Variants in CUX2 observed in about 807,000 individuals in gnomAD.
CUX2 encodes the protein homeobox protein cut-like 2.
A neutral mutation model predicts 144.8 loss-of-function variants in CUX2; 40 were observed. That is an observed-to-expected ratio of 0.28 (90% CI 0.21 to 0.36). The LOEUF (loss-of-function observed/expected upper bound fraction) is 0.36, where lower values mean the gene tolerates loss of function less well. CUX2 is among the 10% of genes least tolerant of loss of function. CUX2 has a pLI of 1.00. For missense variants in CUX2, 1,615 were observed against 1,994.0 expected (o/e 0.81, Z 3.62); for synonymous variants, 827 against 875.6 (o/e 0.94, Z 0.98).
Position 111,287,405 on chromosome 12 carries a change from G to A in CUX2, c.302-4013G>A, listed in dbSNP as rs536266767. ...ACTTCCCTGACCCCGGCGAGTGCTC[G>A]TTGCCTTTTTTCCTCCTGTCTCAAA... is the stretch of plus-strand genomic sequence containing the variant. On this transcript the variant is annotated intron_variant, in intron 4 of 21. Coordinates refer to ENST00000261726, the MANE Select transcript of CUX2 (RefSeq NM_015267.4). The surrounding 1 kb of genome is among the most constrained non-coding windows in gnomAD (Gnocchi z 4.2). Among the ~76,000 whole-genome samples the A allele has an allele frequency of 8.1e-4, 123 of 152,358 alleles. No homozygotes were observed. The highest frequency in any genetic ancestry group is 4.1e-3 in the Admixed American group (62 of 15,302).
At position 111,234,215 on chromosome 12, in the gene CUX2, A is replaced by G. The variant is rs564574701; in HGVS notation, c.222+16278A>G. 6.6e-5 allele frequency among the ~76,000 whole-genome samples: 10 copies of G among 152,328 alleles called. No homozygotes were observed. The South Asian group carries it at 2.1e-3, about 32-fold the overall frequency. On this transcript the variant is annotated intron_variant, in intron 3 of 21. Coordinates refer to ENST00000261726, the MANE Select transcript of CUX2 (RefSeq NM_015267.4). The stretch of plus-strand genomic sequence containing the variant: ...ACCTCACTCACTGTCAGGGAATAGG[A>G]CAGAGCCCTGAATACACAGCCTTGC...
chr12:111,041,885 A>G (rs1869758088), intron 1 of CUX2, among the ~76,000 whole-genome samples: 1 of 152,188 alleles, frequency 6.6e-6, no homozygotes, highest in South Asian at 2.1e-4. Context: ...CTCCTGACCA[A>G]TGCATGAAGA....
intron 1 of CUX2, among the ~76,000 whole-genome samples, chr12:111,067,583 A>G (rs1871075555): frequency 6.6e-6 from 1 of 152,160 alleles, no homozygotes. Flanking sequence ...TGCCACCTAC[A>G]ATCAGAAACA....
At chr12:111,219,999 C>G (rs1315340550) in intron 3 of CUX2, among the ~76,000 whole-genome samples, 3 of 152,020 alleles carry the variant, frequency 2.0e-5, no homozygotes, top group Non-Finnish European at 4.4e-5. Context: ...CAAAAATTAG[C>G]CAGGTGTGGT....
At chr12:111,129,972 T>C (rs1233806872) in intron 1 of CUX2, among the ~76,000 whole-genome samples, 3 of 152,122 alleles carry the variant, frequency 2.0e-5, no homozygotes, top group African/African-American at 7.2e-5. Flanking sequence ...GCCCCTACTC[T>C]GACTGGAGGG....
At chr12:111,244,707 C>T (rs1263244195) in intron 3 of CUX2, among the ~76,000 whole-genome samples, 1 of 152,130 alleles carries the variant, frequency 6.6e-6, no homozygotes, top group African/African-American at 2.4e-5. Context: ...AATCCCAAGG[C>T]AGGGGCAGGG....
At chr12:111,291,605 C>T in intron 5 of CUX2, 53 bp downstream of exon 5, 1 of 1,493,386 alleles carries the variant, frequency 6.7e-7, no homozygotes. Flanking sequence ...GGCTGCAGAT[C>T]TTCAGAGCCA....
intron 21 of CUX2, among the ~76,000 whole-genome samples, chr12:111,343,032 A>T (rs1888642968): frequency 6.7e-6 from 1 of 148,786 alleles, no homozygotes; most frequent in Non-Finnish European, 1.5e-5. Flanking sequence ...CATTATTTTT[A>T]TTATTATTTC....
chr12:111,343,106 T>C lies in CUX2; in HGVS notation c.3659+1053T>C, dbSNP rs527358316. Among the ~76,000 whole-genome samples, 124 of 152,152 alleles carry C rather than the reference T, an allele frequency of 8.1e-4. No homozygotes were observed. The Middle Eastern group carries it at 0.037, about 46-fold the overall frequency. ...GGAAGGGTATTTGGGGGTACAGGCC[T>C]GAGGAACCCTGACTATTCATTGAGC... On this transcript the variant is annotated intron_variant, in intron 21 of 21. Transcript: ENST00000261726.
At chr12:111,212,828 T>C (rs1264268145) in intron 1 of CUX2, among the ~76,000 whole-genome samples, 1 of 152,258 alleles carries the variant, frequency 6.6e-6, no homozygotes, top group East Asian at 1.9e-4. Flanking sequence ...TCTGGTGAGC[T>C]GCTATTGAGC....
intron 1 of CUX2, among the ~76,000 whole-genome samples, chr12:111,195,230 C>CT (rs1008659779): frequency 2.0e-5 from 3 of 152,152 alleles, no homozygotes; most frequent in Non-Finnish European, 4.4e-5. Context: ...CCCAACGCAC[C>CT]TTTTTTTCCC....
chr12:111,264,041 T>C lies in CUX2; in HGVS notation c.301+202T>C, dbSNP rs561920985. Among the ~76,000 whole-genome samples the C allele has an allele frequency of 1.6e-3, 237 of 152,248 alleles. 1 individual carries two copies. The highest frequency in any genetic ancestry group is 3.1e-3 in the Non-Finnish European group (212 of 68,002). Reference sequence around the variant, plus strand: ...GGGCTCCCCCCATCTTCCTTCATCATGTTGTCACATCAGCCAGGAGCCTGC... The same window carrying C: ...GGGCTCCCCCCATCTTCCTTCATCACGTTGTCACATCAGCCAGGAGCCTGC... On this transcript the variant is annotated intron_variant, in intron 4 of 21. Transcript: ENST00000261726.
rs1879577921 is a variant in CUX2, at chr12:111,186,985, G to T, written c.64-27215G>T. 6.6e-6 allele frequency among the ~76,000 whole-genome samples: 1 copy of T among 152,074 alleles called. No homozygotes were observed. The highest frequency in any genetic ancestry group is 1.5e-5 in the Non-Finnish European group (1 of 68,000). Reference sequence around the variant, plus strand: ...GTAGAGATGGGGTTTTGCCATGTTGGCGAGGCTGGCTTCAAACTCCTGACC... The same window carrying T: ...GTAGAGATGGGGTTTTGCCATGTTGTCGAGGCTGGCTTCAAACTCCTGACC... On this transcript the variant is annotated intron_variant, in intron 1 of 21. Coordinates refer to ENST00000261726, the MANE Select transcript of CUX2 (RefSeq NM_015267.4). This position sits in a 1 kb window ranked among gnomAD's most constrained non-coding sequence, Gnocchi z 4.4.
At position 111,322,143 on chromosome 12, in the gene CUX2, C is replaced by A. The variant is rs1887565877; in HGVS notation, c.2767-278C>A. Among the ~76,000 whole-genome samples the A allele has an allele frequency of 6.6e-6, 1 of 151,872 alleles. No homozygotes were observed. The highest frequency in any genetic ancestry group is 2.1e-4 in the South Asian group (1 of 4,810). On this transcript the variant is annotated intron_variant, in intron 17 of 21. Coordinates refer to ENST00000261726, the MANE Select transcript of CUX2 (RefSeq NM_015267.4). This position sits in a 1 kb window ranked among gnomAD's most constrained non-coding sequence, Gnocchi z 4.2. ...AACCAGCCTGGCCAATGTGGCAAAA[C>A]CCCATCTCTACTAAAAATACAAAAA...
In CUX2 at chr12:111,171,935, CTGTGTACACGTGCG is replaced by C. The variant is rs1878546069; in HGVS notation, c.64-42259_64-42246del. ...TCTCTGTGTGTGCGTGTGCCTGTGC[CTGTGTACACGTGCG>C]TGTGTGTGCGTGCATGTGCATGCAC... On this transcript the variant is annotated intron_variant, in intron 1 of 21. Coordinates refer to ENST00000261726, the MANE Select transcript of CUX2 (RefSeq NM_015267.4). This position sits in a 1 kb window ranked among gnomAD's most constrained non-coding sequence, Gnocchi z 5.0. Among the ~76,000 whole-genome samples, 2 of 151,678 alleles carry C rather than the reference CTGTGTACACGTGCG, an allele frequency of 1.3e-5. No homozygotes were observed. Among genetic ancestry groups the C allele is most frequent in the South Asian group, 4.2e-4 (2 of 4,816 alleles).
In CUX2 at chr12:111,287,267, G is replaced by GGCCA. The variant is rs1408576862; in HGVS notation, c.302-4148_302-4145dup. On this transcript the variant is annotated intron_variant, in intron 4 of 21. Transcript: ENST00000261726. The surrounding 1 kb of genome is among the most constrained non-coding windows in gnomAD (Gnocchi z 4.2). ...TAGTCGTTTGGCTCAATGGGCTCAT[G>GGCCA]GCCAGCAGGGCCCCTGGGCCACGAG... 6.6e-6 allele frequency among the ~76,000 whole-genome samples: 1 copy of GGCCA among 152,234 alleles called. No individual in the cohort carries two copies. The highest frequency in any genetic ancestry group is 1.9e-4 in the East Asian group (1 of 5,190).
intron 19 of CUX2, among the ~76,000 whole-genome samples, chr12:111,336,424 T>TTGTGTGTGTGTGTGTGTG (rs57009074): frequency 1.3e-4 from 19 of 146,132 alleles, no homozygotes; most frequent in African/African-American, 4.3e-4. Flanking sequence ...CACTTCAGTG[T>TTGTGTGTGTGTGTGTGTG]TGTGTGTGTG....
In CUX2 at chr12:111,289,734, C is replaced by T. The variant is rs1414102593; in HGVS notation, c.302-1684C>T. On this transcript the variant is annotated intron_variant, in intron 4 of 21. Transcript: ENST00000261726. This position sits in a 1 kb window ranked among gnomAD's most constrained non-coding sequence, Gnocchi z 4.1. Reference sequence around the variant, plus strand: ...TACATCTAGATGTGTGTTTTGCCCCCGAAAAAGTCCTTAACCAACAACGTG... The same window carrying T: ...TACATCTAGATGTGTGTTTTGCCCCTGAAAAAGTCCTTAACCAACAACGTG... Among the ~76,000 whole-genome samples the T allele has an allele frequency of 6.6e-6, 1 of 151,876 alleles. No individual in the cohort carries two copies. The highest frequency in any genetic ancestry group is 2.4e-5 in the African/African-American group (1 of 41,336).
intron 3 of CUX2, among the ~76,000 whole-genome samples, chr12:111,222,428 T>G (rs1881902349): frequency 6.6e-6 from 1 of 152,250 alleles, no homozygotes; most frequent in Non-Finnish European, 1.5e-5. Context: ...TCTTTTTCTC[T>G]GCCGCCTTTT....
Sources: gnomAD v4.1 joint callset for allele counts (sites outside exome capture counted in the v4.1 genomes callset) on GRCh38, gnomAD v4.1.1 for gene constraint, Gnocchi (gnomAD v3.1) non-coding constraint, MANE v1.5 for transcripts, NCBI Gene and HGNC (gene_info 2026-07-23, HGNC 2026-07-21) for gene names.